Variants in PTPN3 observed in about 807,000 individuals in gnomAD.
The protein encoded by PTPN3 is tyrosine-protein phosphatase non-receptor type 3.
A neutral mutation model predicts 132.7 loss-of-function variants in PTPN3; 96 were observed. That is an observed-to-expected ratio of 0.72 (90% CI 0.61 to 0.86). PTPN3 has a LOEUF of 0.86. Ranked by LOEUF, PTPN3 falls within the 40% of genes least tolerant of loss-of-function variation. PTPN3 has a pLI of 0.00. For missense variants in PTPN3, 1,125 were observed against 1,159.6 expected, an observed-to-expected ratio of 0.97 and a Z score of 0.43; for synonymous variants, 398 against 429.0, an observed-to-expected ratio of 0.93 and a Z score of 0.89.
At chr9:109,510,284 C>T in the PTPN3 span, among the ~76,000 whole-genome samples, 40,471 of 151,700 alleles carry the variant, frequency 0.27, 5,705 homozygotes, top group South Asian at 0.31. Flanking sequence ...AACAGCTGGG[C>T]GTGGTGGCTC....
intron 25 of PTPN3, among the ~76,000 whole-genome samples, chr9:109,381,372 G>A (rs528206020): frequency 2.0e-5 from 3 of 152,212 alleles, no homozygotes; most frequent in African/African-American, 7.2e-5. Flanking sequence ...AGGTGGGTCG[G>A]TGCGGGGGAG....
intron 9 of PTPN3, among the ~76,000 whole-genome samples, 187 bp downstream of exon 9, chr9:109,436,696 C>T (rs1318117068): frequency 6.6e-6 from 1 of 151,930 alleles, no homozygotes; most frequent in Non-Finnish European, 1.5e-5. Context: ...CAAAAGCAAA[C>T]ATTAAAAAAA....
chr9:109,381,222 G>T (rs1839049122), intron 25 of PTPN3, among the ~76,000 whole-genome samples: 1 of 152,188 alleles, frequency 6.6e-6, no homozygotes, highest in Non-Finnish European at 1.5e-5. Flanking sequence ...GAGGACAAGA[G>T]GATGTTGCAC....
chr9:109,465,019 T>A (rs1846026714), intron 1 of PTPN3, among the ~76,000 whole-genome samples: 2 of 152,204 alleles, frequency 1.3e-5, no homozygotes, highest in African/African-American at 4.8e-5. Context: ...TTGTGACAAT[T>A]TACCAAGCTC....
intron 1 of PTPN3, among the ~76,000 whole-genome samples, chr9:109,469,126 CAGG>C (rs1846244108): frequency 6.6e-6 from 1 of 152,186 alleles, no homozygotes; most frequent in Non-Finnish European, 1.5e-5. Context: ...GGTTGGGTAA[CAGG>C]GCTGCTACTA....
rs761559374 is a variant in PTPN3, at chr9:109,382,321, G to A, written c.2509C>T (p.Pro837Ser). The A allele has an allele frequency of 2.5e-6, 4 of 1,613,808 alleles. No homozygotes were observed. Among genetic ancestry groups the A allele is most frequent in the Admixed American group, 1.7e-5 (1 of 59,986 alleles). Residue 837 changes from proline to serine, a missense_variant, in exon 24 of 26, where the codon CCC becomes TCC. Transcript: ENST00000374541. ...CCATACCTGCAGTGAACTAGGACGGGCTCGCTGTCCACTCTCAGAGACCTC... is the reference window on the plus strand; with the variant it reads ...CCATACCTGCAGTGAACTAGGACGGACTCGCTGTCCACTCTCAGAGACCTC... ...YVRSLRVDSE[P>S]VLVHCSAGIG... is the part of the protein sequence containing the mutation.
At chr9:109,457,145 TC>T in intron 4 of PTPN3, 27 bp downstream of exon 4, 1 of 1,607,404 alleles carries the variant, frequency 6.2e-7, no homozygotes, top group South Asian at 1.1e-5. Context: ...CACCTAATGT[TC>T]GACTGAAATG....
chr9:109,408,169 C>A, intron 17 of PTPN3, 152 bp downstream of exon 17: 1 of 523,152 alleles, frequency 1.9e-6, no homozygotes, highest in East Asian at 3.2e-5. Context: ...AAAGACCACA[C>A]TGAGCCGCAA....
At chr9:109,422,580 C>G in intron 13 of PTPN3, 138 bp downstream of exon 13, 1 of 986,050 alleles carries the variant, frequency 1.0e-6, no homozygotes. Context: ...TTCATGAAAA[C>G]AGTTACTTCT....
At chr9:109,494,393 G>C (rs567311695) in intron 1 of PTPN3, among the ~76,000 whole-genome samples, 1 of 152,112 alleles carries the variant, frequency 6.6e-6, no homozygotes, top group Non-Finnish European at 1.5e-5. Flanking sequence ...AGCCATGATC[G>C]GGCCACTGCA....
At chr9:109,422,219 CT>C (rs1467639451) in intron 13 of PTPN3, among the ~76,000 whole-genome samples, 6 of 152,160 alleles carry the variant, frequency 3.9e-5, no homozygotes, top group Non-Finnish European at 8.8e-5. Context: ...CCACCTATTT[CT>C]TTTTAAGCTG....
At chr9:109,498,380 G>C (rs533940700), upstream of PTPN3, 6 of 147,120 alleles carry the variant, frequency 4.1e-5, no homozygotes, top group East Asian at 2.0e-4. This position sits in a 1 kb window ranked among gnomAD's most constrained non-coding sequence, Gnocchi z 4.2. Context: ...GCGCCGGGCG[G>C]GGGGCGGGCG....
chr9:109,377,432 A>G lies in PTPN3; in HGVS notation c.*2124T>C, dbSNP rs1214799395. On this transcript the variant is annotated 3_prime_UTR_variant, in exon 26 of 26. Coordinates refer to ENST00000374541, the MANE Select transcript of PTPN3 (RefSeq NM_002829.4). ...CACACACACACACACACACACACAC[A>G]CACACACACACACACACACACACAC... 2.7e-5 allele frequency: 4 copies of G among 150,546 alleles called. No homozygotes were observed. Among genetic ancestry groups the G allele is most frequent in the African/African-American group, 9.9e-5 (4 of 40,334 alleles). The allele number at this position is 150,546 out of a possible 1,614,324, so 9.3% of individuals were successfully genotyped here.
At chr9:109,397,475 C>T (rs1840695249) in intron 19 of PTPN3, among the ~76,000 whole-genome samples, 1 of 152,126 alleles carries the variant, frequency 6.6e-6, no homozygotes, top group Admixed American at 6.5e-5. Flanking sequence ...TCCCAAAGAG[C>T]CCACCCCAAG....
intron 1 of PTPN3, among the ~76,000 whole-genome samples, chr9:109,485,230 G>A (rs1039742043): frequency 3.3e-5 from 5 of 151,702 alleles, no homozygotes; most frequent in African/African-American, 7.3e-5. Context: ...AAAGTCGGCC[G>A]GGCGCGGTGG....
intron 14 of PTPN3, among the ~76,000 whole-genome samples, chr9:109,417,327 T>C (rs1308215724): frequency 6.6e-6 from 1 of 152,186 alleles, no homozygotes; most frequent in African/African-American, 2.4e-5. Context: ...TCTTTTTCTT[T>C]CTCTCTTTCT....
intron 9 of PTPN3, among the ~76,000 whole-genome samples, chr9:109,434,190 C>T (rs957631912): frequency 1.3e-5 from 2 of 152,280 alleles, no homozygotes; most frequent in African/African-American, 2.4e-5. Context: ...GATGCCCAGG[C>T]TGGAGTGCAG....
chr9:109,521,788 T>C, the PTPN3 span, among the ~76,000 whole-genome samples: 1 of 152,240 alleles, frequency 6.6e-6, no homozygotes, highest in Non-Finnish European at 1.5e-5. Context: ...CCCAGTGCTT[T>C]CAAGGGTGCT....
At chr9:109,383,601 G>T in intron 22 of PTPN3, 50 bp from the exon 23 acceptor site, 1 of 1,601,198 alleles carries the variant, frequency 6.2e-7, no homozygotes. Context: ...GGGTGTTCCT[G>T]CAAGCAGTTA....
Sources: gnomAD v4.1 joint callset for allele counts (sites outside exome capture counted in the v4.1 genomes callset) on GRCh38, gnomAD v4.1.1 for gene constraint, Gnocchi (gnomAD v3.1) non-coding constraint, MANE v1.5 for transcripts, NCBI Gene and HGNC (gene_info 2026-07-23, HGNC 2026-07-21) for gene names.